The following EFCAB6 variants were observed in gnomAD, a reference collection of about 807,000 sequenced individuals.
The protein encoded by EFCAB6 is EF-hand calcium-binding domain-containing protein 6.
Under a neutral mutation model 169.8 loss-of-function variants are expected in EFCAB6, and 156 were observed. The ratio of observed to expected loss-of-function variants is 0.92; its 90% confidence interval spans 0.81 to 1.05. The LOEUF is 1.05. Among genes scored for constraint, EFCAB6 ranks in the 50% least tolerant of loss-of-function variants. The pLI is 0.00. For synonymous variants in EFCAB6, 698 were observed against 676.4 expected (o/e 1.03, Z -0.50); for missense variants, 1,800 against 1,829.1 (o/e 0.98, Z 0.29).
intron 6 of EFCAB6, among the ~76,000 whole-genome samples, chr22:43,753,730 T>G (rs2060854882): frequency 6.6e-6 from 1 of 152,000 alleles, no homozygotes; most frequent in South Asian, 2.1e-4. Flanking sequence ...GAAATAGGAG[T>G]GCTGGGGTTC....
intron 3 of EFCAB6, among the ~76,000 whole-genome samples, chr22:43,773,657 G>A (rs1227544342): frequency 6.6e-6 from 1 of 152,232 alleles, no homozygotes; most frequent in African/African-American, 2.4e-5. Context: ...AGACCAGCCT[G>A]GCCAACATGG....
intron 17 of EFCAB6, among the ~76,000 whole-genome samples, chr22:43,662,847 G>C (rs1038734263): frequency 2.6e-5 from 4 of 152,154 alleles, no homozygotes; most frequent in Non-Finnish European, 5.9e-5. Context: ...CTGGAAGCCT[G>C]TTCACATCCA....
intron 27 of EFCAB6, among the ~76,000 whole-genome samples, chr22:43,548,999 CAA>C (rs1249522816): frequency 6.6e-6 from 1 of 152,128 alleles, no homozygotes; most frequent in Admixed American, 6.5e-5. Flanking sequence ...TATTTGGAAA[CAA>C]AAGAGAGCAC....
chr22:43,544,916 A>T (rs1411464741), intron 27 of EFCAB6, among the ~76,000 whole-genome samples: 2 of 152,022 alleles, frequency 1.3e-5, no homozygotes, highest in Non-Finnish European at 2.9e-5. Context: ...AGGTCAGGAG[A>T]TCGAGACCAT....
chr22:43,743,614 G>A (rs2060449105), intron 6 of EFCAB6, among the ~76,000 whole-genome samples: 1 of 152,188 alleles, frequency 6.6e-6, no homozygotes, highest in Non-Finnish European at 1.5e-5. Flanking sequence ...ATAAATGGTG[G>A]TGAAATGAGA....
intron 6 of EFCAB6, among the ~76,000 whole-genome samples, chr22:43,754,339 C>T (rs1385869665): frequency 2.6e-5 from 4 of 152,162 alleles, no homozygotes; most frequent in Admixed American, 1.3e-4. Flanking sequence ...AATAGCAGAG[C>T]CCCAGGATGG....
intron 8 of EFCAB6, among the ~76,000 whole-genome samples, chr22:43,724,530 G>A (rs1046717412): frequency 1.4e-4 from 21 of 151,946 alleles, no homozygotes; most frequent in African/African-American, 4.8e-4. Flanking sequence ...ACCACGCCCA[G>A]CTAATTTTTT....
intron 26 of EFCAB6, among the ~76,000 whole-genome samples, chr22:43,575,983 T>C (rs2050230710): frequency 6.6e-6 from 1 of 152,256 alleles, no homozygotes; most frequent in Admixed American, 6.5e-5. Flanking sequence ...CTGTTTGCTT[T>C]AGTAATCTCA....
At chr22:43,774,204 T>C (rs1603355140) in intron 3 of EFCAB6, among the ~76,000 whole-genome samples, 1 of 151,784 alleles carries the variant, frequency 6.6e-6, no homozygotes, top group African/African-American at 2.4e-5. Flanking sequence ...AGGACAGTGA[T>C]AGCTTTAGTC....
rs186011364 is a variant in EFCAB6, at chr22:43,786,874, T to C, written c.-7-4549A>G. Among the ~76,000 whole-genome samples the C allele has an allele frequency of 6.6e-5, 10 of 152,004 alleles. No homozygotes were observed. In the East Asian group the frequency reaches 7.7e-4, roughly 12 times the overall value. ...AATCAGACAGCACAGTCAAGCAAAA[T>C]TTATGCTAGGAATGCAAGAGAGGTT... On this transcript the variant is annotated intron_variant, in intron 2 of 31. Coordinates refer to ENST00000262726, the MANE Select transcript of EFCAB6 (RefSeq NM_022785.4).
intron 26 of EFCAB6, among the ~76,000 whole-genome samples, chr22:43,555,721 C>T (rs948154985): frequency 1.3e-4 from 20 of 152,216 alleles, no homozygotes; most frequent in African/African-American, 3.9e-4. Context: ...TGGGTTAGTG[C>T]TCTGCCCCAC....
chr22:43,675,458 G>GCTATAAT (rs1556032229), intron 13 of EFCAB6, among the ~76,000 whole-genome samples: 1 of 128,410 alleles, frequency 7.8e-6, no homozygotes, highest in East Asian at 2.1e-4. Flanking sequence ...TATAATATAT[G>GCTATAAT]ATATAATATA....
At chr22:43,807,627 A>G (rs758896525) in intron 2 of EFCAB6, among the ~76,000 whole-genome samples, 4 of 152,252 alleles carry the variant, frequency 2.6e-5, no homozygotes, top group Non-Finnish European at 5.9e-5. Flanking sequence ...AAGTGTGCAC[A>G]GCCAAATAGA....
intron 10 of EFCAB6, among the ~76,000 whole-genome samples, chr22:43,694,490 G>A (rs554183566): frequency 1.3e-5 from 2 of 152,018 alleles, no homozygotes; most frequent in African/African-American, 4.8e-5. Flanking sequence ...CTGAGACAAA[G>A]ATTTTACAAG....
At chr22:43,785,253 T>C (rs1004107679) in intron 2 of EFCAB6, among the ~76,000 whole-genome samples, 1 of 152,172 alleles carries the variant, frequency 6.6e-6, no homozygotes, top group Non-Finnish European at 1.5e-5. Context: ...ACATGGATCA[T>C]TCTCCAGTAT....
intron 2 of EFCAB6, among the ~76,000 whole-genome samples, chr22:43,805,644 A>G (rs2062890761): frequency 6.6e-6 from 1 of 152,170 alleles, no homozygotes; most frequent in Non-Finnish European, 1.5e-5. Flanking sequence ...ACAGATCAGT[A>G]AGGTGACTAT....
At position 43,586,780 on chromosome 22, in the gene EFCAB6, C is replaced by A. The variant is rs182623348; in HGVS notation, c.3032+3294G>T. ...GCAGCGTCAGCATCACCTGAGCCCT[C>A]GTTATGAATGCACACTCCCGAGCCC... On this transcript the variant is annotated intron_variant, in intron 24 of 31. Transcript: ENST00000262726. Among the ~76,000 whole-genome samples the A allele has an allele frequency of 2.9e-4, 44 of 152,202 alleles. No homozygotes were observed. The East Asian group carries it at 7.7e-3, about 27-fold the overall frequency.
At position 43,632,099 on chromosome 22, in the gene EFCAB6, G is replaced by T; in HGVS notation, c.2232+6C>A. ...AGAAGCCCAGCGCCAGACAGTCACG[G>T]TTTACCCGGAATGACTCCTTCAGCC... On this transcript the variant is annotated splice_donor_region_variant and intron_variant, in intron 19 of 31. Transcript: ENST00000262726. 6.2e-7 allele frequency: 1 copy of T among 1,613,724 alleles called. No individual in the cohort carries two copies. The highest frequency in any genetic ancestry group is 8.5e-7 in the Non-Finnish European group (1 of 1,179,812).
chr22:43,638,046 C>A (rs536879634), intron 17 of EFCAB6, among the ~76,000 whole-genome samples: 2 of 152,118 alleles, frequency 1.3e-5, no homozygotes. Context: ...GTCCAGCGGT[C>A]GCAGGAGCGT....
Sources: allele counts gnomAD v4.1 joint callset (sites outside exome capture counted in the v4.1 genomes callset), GRCh38; gene constraint gnomAD v4.1.1; transcripts MANE v1.5; gene names NCBI Gene and HGNC (gene_info 2026-07-23, HGNC 2026-07-21).